Variants in SMYD3 observed in about 807,000 individuals in gnomAD.
SMYD3 encodes histone-lysine N-methyltransferase SMYD3.
Under a neutral mutation model 57.7 loss-of-function variants are expected in SMYD3, and 36 were observed. The observed-to-expected ratio is 0.62, with a 90% CI of 0.48 to 0.82. The LOEUF (loss-of-function observed/expected upper bound fraction) is 0.82, where lower values mean the gene tolerates loss of function less well. Ranked by LOEUF, SMYD3 falls within the 40% of genes least tolerant of loss-of-function variation. The probability of loss-of-function intolerance (pLI) is 0.00; values close to 1 mark genes in which losing one functional copy is unlikely to be tolerated. For synonymous variants in SMYD3, 211 were observed against 195.0 expected, an observed-to-expected ratio of 1.08 and a Z score of -0.68; for missense variants, 515 against 538.8, an observed-to-expected ratio of 0.96 and a Z score of 0.44.
chr1:245,989,150 T>C (rs1382796436), intron 5 of SMYD3, among the ~76,000 whole-genome samples: 1 of 152,250 alleles, frequency 6.6e-6, no homozygotes, highest in African/African-American at 2.4e-5. Flanking sequence ...AATTAATACC[T>C]GTCTTCACAT....
At chr1:246,456,564 T>A (rs772301199) in intron 1 of SMYD3, among the ~76,000 whole-genome samples, 2 of 152,212 alleles carry the variant, frequency 1.3e-5, no homozygotes, top group African/African-American at 2.4e-5. Flanking sequence ...CCCAGGAGCA[T>A]TAGGCAGTCC....
At chr1:246,204,285 T>G (rs1022369004) in intron 5 of SMYD3, among the ~76,000 whole-genome samples, 1 of 152,192 alleles carries the variant, frequency 6.6e-6, no homozygotes, top group African/African-American at 2.4e-5. Flanking sequence ...ATCCTCACAT[T>G]AATGAAAACA....
chr1:245,994,115 C>T lies in SMYD3; in HGVS notation c.532-64178G>A, dbSNP rs1017794933. ...CTCAACTTCTTTTCATTGCACTTTT[C>T]ATTACAGAAATAAAATAAAATGTCG... On this transcript the variant is annotated intron_variant, in intron 5 of 11. Transcript: ENST00000490107. 2.6e-5 allele frequency among the ~76,000 whole-genome samples: 4 copies of T among 152,148 alleles called. No homozygotes were observed. In the South Asian group the frequency reaches 8.3e-4, roughly 32 times the overall value.
chr1:246,057,466 T>A (rs2060171591), intron 5 of SMYD3, among the ~76,000 whole-genome samples: 1 of 152,214 alleles, frequency 6.6e-6, no homozygotes, highest in Non-Finnish European at 1.5e-5. Context: ...TAAAAATGTA[T>A]GATGGATACA....
chr1:246,129,181 T>C (rs1041936389), intron 5 of SMYD3, among the ~76,000 whole-genome samples: 11 of 152,170 alleles, frequency 7.2e-5, no homozygotes, highest in Admixed American at 3.3e-4. Context: ...TGGGGAATCT[T>C]TGTGTCTTCA....
chr1:246,327,997 C>T (rs1202181373), intron 4 of SMYD3, among the ~76,000 whole-genome samples: 2 of 152,122 alleles, frequency 1.3e-5, no homozygotes, highest in African/African-American at 4.8e-5. Context: ...AGTTCGAGAG[C>T]AGCCTGGCCA....
rs995692671 is a variant in SMYD3 at position 246,327,444 on chromosome 1, T to A, written c.395-107A>T. 4 of 964,898 alleles carry A rather than the reference T, an allele frequency of 4.1e-6. No homozygotes were observed. The African/African-American group carries it at 6.6e-5, about 16-fold the overall frequency. 59.8% of individuals were successfully genotyped at this position (964,898 alleles called of 1,614,324 possible). A position where few individuals can be genotyped will look rare whatever the true frequency, so the allele number is the denominator to read the frequency against. ...AAACCAGATATTTCCTACCTTACAT[T>A]GGATTTTGACAAAGAGCAAATACAT... On this transcript the variant is annotated intron_variant, in intron 4 of 11. Coordinates refer to ENST00000490107, the MANE Select transcript of SMYD3 (RefSeq NM_001167740.2).
At chr1:246,201,423 G>T (rs749337606) in intron 5 of SMYD3, among the ~76,000 whole-genome samples, 2 of 152,176 alleles carry the variant, frequency 1.3e-5, no homozygotes, top group African/African-American at 2.4e-5. Context: ...ATGCTATTTT[G>T]TTTATTATTT....
At chr1:246,486,306 A>G (rs561164953) in intron 1 of SMYD3, among the ~76,000 whole-genome samples, 6 of 152,324 alleles carry the variant, frequency 3.9e-5, no homozygotes, top group Admixed American at 6.5e-5. Flanking sequence ...CAGATATGAC[A>G]TAAGTATTAA....
At chr1:245,864,525 A>G (rs1303306552) in intron 8 of SMYD3, among the ~76,000 whole-genome samples, 7 of 152,188 alleles carry the variant, frequency 4.6e-5, no homozygotes, top group Non-Finnish European at 8.8e-5. Context: ...CAAAGACCAC[A>G]TGTATGATTC....
chr1:246,347,175 A>G (rs188774150), intron 2 of SMYD3, among the ~76,000 whole-genome samples: 160 of 152,270 alleles, frequency 1.1e-3, no homozygotes, highest in African/African-American at 3.4e-3. Context: ...ATATCCAAGA[A>G]CTGTGGAATG....
chr1:246,284,008 A>G (rs2064504614), intron 5 of SMYD3, among the ~76,000 whole-genome samples: 1 of 152,254 alleles, frequency 6.6e-6, no homozygotes, highest in South Asian at 2.1e-4. Context: ...AAGGTAAATT[A>G]CTCATGAAAG....
At chr1:246,026,161 A>G (rs1009402494) in intron 5 of SMYD3, 1 of 152,272 alleles carries the variant, frequency 6.6e-6, no homozygotes, top group Admixed American at 6.5e-5. Context: ...CGCCAAAAAA[A>G]AGAAAAGAAA....
chr1:245,802,033 A>C (rs943835711), intron 10 of SMYD3, among the ~76,000 whole-genome samples: 1 of 152,218 alleles, frequency 6.6e-6, no homozygotes, highest in African/African-American at 2.4e-5. Context: ...TGATTAAAGG[A>C]AGGTTGCATG....
intron 10 of SMYD3, among the ~76,000 whole-genome samples, chr1:245,834,065 T>A (rs1350673382): frequency 6.6e-6 from 1 of 152,096 alleles, no homozygotes; most frequent in East Asian, 1.9e-4. Context: ...GATCACAGAG[T>A]CCTCTTTTCA....
chr1:245,947,443 G>C (rs1429965092), intron 5 of SMYD3: 4 of 456,714 alleles, frequency 8.8e-6, no homozygotes, highest in Non-Finnish European at 1.8e-5. Context: ...TTCCTGTTTT[G>C]TGAATGCCTT....
At chr1:246,162,681 G>T (rs1448766120) in intron 5 of SMYD3, among the ~76,000 whole-genome samples, 3 of 152,116 alleles carry the variant, frequency 2.0e-5, no homozygotes, top group Admixed American at 6.6e-5. Flanking sequence ...GCCTACTTAA[G>T]AATCACCTCA....
At chr1:246,239,218 G>A (rs2063561245) in intron 5 of SMYD3, among the ~76,000 whole-genome samples, 1 of 152,056 alleles carries the variant, frequency 6.6e-6, no homozygotes, top group Non-Finnish European at 1.5e-5. Flanking sequence ...ATTTACATTA[G>A]GTATATGTCC....
chr1:246,434,908 C>T (rs532041318), intron 1 of SMYD3, among the ~76,000 whole-genome samples: 1 of 152,204 alleles, frequency 6.6e-6, no homozygotes, highest in Admixed American at 6.5e-5. Context: ...AGGTGTACAT[C>T]AATAGTGGTT....
Sources: allele counts gnomAD v4.1 joint callset (sites outside exome capture counted in the v4.1 genomes callset), GRCh38; gene constraint gnomAD v4.1.1; transcripts MANE v1.5; gene names NCBI Gene and HGNC (gene_info 2026-07-23, HGNC 2026-07-21).